RBKS: variants seen among roughly 807,000 people sequenced by gnomAD.
RBKS encodes ribokinase.
Under a neutral mutation model 33.9 loss-of-function variants are expected in RBKS, and 33 were observed. The observed-to-expected ratio is 0.97, with a 90% CI of 0.74 to 1.30. The LOEUF (loss-of-function observed/expected upper bound fraction) is 1.30, where lower values mean the gene tolerates loss of function less well. Among genes scored for constraint, RBKS ranks in the 50% most tolerant of loss-of-function variants. The probability of loss-of-function intolerance (pLI) is 0.00; values close to 1 mark genes in which losing one functional copy is unlikely to be tolerated. For missense variants in RBKS, 361 were observed against 392.6 expected (o/e 0.92, Z 0.68); for synonymous variants, 125 against 143.0 (o/e 0.87, Z 0.90).
intron 1 of RBKS, chr2:27,861,564 C>T (rs1230850552): frequency 2.1e-6 from 1 of 470,330 alleles, no homozygotes; most frequent in South Asian, 1.5e-5. Flanking sequence ...GCAAAATCAA[C>T]TTGTTGACAA....
In RBKS at chr2:27,890,158, A is replaced by G. The variant is rs138851838; in HGVS notation, c.89+99T>C. ...CTCATACCCAAAGCTAGCACTGTCT[A>G]TCCCTGGAGACCCAGCGCCCAAAAG... On this transcript the variant is annotated intron_variant, in intron 1 of 7. Transcript: ENST00000302188. The surrounding 1 kb of genome is among the most constrained non-coding windows in gnomAD (Gnocchi z 4.8). 1.7e-4 allele frequency: 183 copies of G among 1,102,422 alleles called. 2 individuals carry two copies. The East Asian group carries it at 4.5e-3, about 27-fold the overall frequency. The allele number at this position is 1,102,422 out of a possible 1,614,324, so 68.3% of individuals were successfully genotyped here.
intron 7 of RBKS, among the ~76,000 whole-genome samples, chr2:27,819,312 G>A (rs1036068815): frequency 1.3e-5 from 2 of 152,002 alleles, no homozygotes; most frequent in African/African-American, 4.8e-5. Context: ...GGGAGAGAGC[G>A]AGAGAGCTCT....
chr2:27,831,077 G>A (rs1176626659), intron 6 of RBKS, among the ~76,000 whole-genome samples: 4 of 152,138 alleles, frequency 2.6e-5, no homozygotes, highest in Non-Finnish European at 4.4e-5. Context: ...CAGCCTTTGC[G>A]TCTTCCAACT....
At chr2:27,839,438 C>T (rs895847382) in intron 5 of RBKS, among the ~76,000 whole-genome samples, 5 of 152,066 alleles carry the variant, frequency 3.3e-5, no homozygotes, top group African/African-American at 4.8e-5. Flanking sequence ...AGCTTCATGG[C>T]CTGGTGGGGA....
chr2:27,842,855 G>A (rs943508059), intron 5 of RBKS, among the ~76,000 whole-genome samples: 2 of 151,756 alleles, frequency 1.3e-5, no homozygotes, highest in Non-Finnish European at 2.9e-5. Flanking sequence ...TTTATATTGC[G>A]GGATATCGGA....
At chr2:27,825,587 T>TGAAACCA (rs1381425010) in intron 7 of RBKS, among the ~76,000 whole-genome samples, 1 of 152,186 alleles carries the variant, frequency 6.6e-6, no homozygotes, top group Non-Finnish European at 1.5e-5. Context: ...GATTTGTATC[T>TGAAACCA]GAAACCAGGG....
At position 27,824,966 on chromosome 2, in the gene RBKS, G is replaced by A. The variant is rs551508567; in HGVS notation, c.795+2601C>T. 4.6e-5 allele frequency among the ~76,000 whole-genome samples: 7 copies of A among 152,134 alleles called. No individual in the cohort carries two copies. In the East Asian group the frequency reaches 1.2e-3, roughly 25 times the overall value. On this transcript the variant is annotated intron_variant, in intron 7 of 7. Coordinates refer to ENST00000302188, the MANE Select transcript of RBKS (RefSeq NM_022128.3). ...ATCTTGGGCAACATGGCAAAACCCT[G>A]TCTCTACTAAAAATATAAAAATTAG...
chr2:27,882,690 A>G (rs897857269), intron 1 of RBKS, among the ~76,000 whole-genome samples: 3 of 152,258 alleles, frequency 2.0e-5, no homozygotes, highest in Non-Finnish European at 2.9e-5. Flanking sequence ...ATGCCCATCA[A>G]TGGTAGACTG....
At chr2:27,845,545 C>CAAA (rs1573061404) in intron 4 of RBKS, among the ~76,000 whole-genome samples, 2 of 152,040 alleles carry the variant, frequency 1.3e-5, no homozygotes, top group Admixed American at 1.3e-4. Flanking sequence ...ACAACAACAA[C>CAAA]AACAACAACA....
Position 27,858,423 on chromosome 2 carries a change from T to C in RBKS, c.222+16A>G. 3.1e-6 allele frequency: 5 copies of C among 1,600,510 alleles called. No individual in the cohort carries two copies. Among genetic ancestry groups the C allele is most frequent in the Non-Finnish European group, 4.3e-6 (5 of 1,175,788 alleles). ...TTCTTACCTCTAGAGTCCTCTCCACTATACTTTGTACTTACCTTACACACC... is the reference window on the plus strand; with the variant it reads ...TTCTTACCTCTAGAGTCCTCTCCACCATACTTTGTACTTACCTTACACACC... On this transcript the variant is annotated intron_variant, in intron 2 of 7. Transcript: ENST00000302188.
intron 7 of RBKS, chr2:27,809,879 G>A (rs1379753910): frequency 7.9e-7 from 1 of 1,259,466 alleles, no homozygotes; most frequent in Non-Finnish European, 1.0e-6. Flanking sequence ...AAAATTTTGA[G>A]TAATTAGTCA....
intron 7 of RBKS, among the ~76,000 whole-genome samples, chr2:27,821,861 G>A (rs183675669): frequency 2.6e-5 from 4 of 152,166 alleles, no homozygotes; most frequent in East Asian, 1.9e-4. Context: ...CCCAAGATTC[G>A]ACCATTTTTT....
intron 2 of RBKS, among the ~76,000 whole-genome samples, chr2:27,851,371 C>T (rs1663742246): frequency 6.6e-6 from 1 of 152,092 alleles, no homozygotes; most frequent in Non-Finnish European, 1.5e-5. Flanking sequence ...CCTAATCAAG[C>T]CCATAGTTCA....
At chr2:27,871,769 G>C (rs1364479909) in intron 1 of RBKS, among the ~76,000 whole-genome samples, 1 of 152,182 alleles carries the variant, frequency 6.6e-6, no homozygotes, top group African/African-American at 2.4e-5. Flanking sequence ...ACCAGATACA[G>C]CTTAATTGTC....
At chr2:27,828,296 CA>C (rs376004818) in intron 6 of RBKS, among the ~76,000 whole-genome samples, 29 of 141,910 alleles carry the variant, frequency 2.0e-4, no homozygotes, top group Admixed American at 2.1e-4. Flanking sequence ...AGAAGTCTAC[CA>C]AAAAAAAAAG....
chr2:27,863,963 T>C (rs766146438), intron 1 of RBKS, among the ~76,000 whole-genome samples: 6 of 152,238 alleles, frequency 3.9e-5, no homozygotes, highest in Admixed American at 6.5e-5. Flanking sequence ...ATATGTTATT[T>C]ATTTAAGGTA....
intron 7 of RBKS, among the ~76,000 whole-genome samples, chr2:27,800,412 C>T (rs1377491606): frequency 6.6e-6 from 1 of 152,186 alleles, no homozygotes; most frequent in Admixed American, 6.5e-5. Flanking sequence ...TGACCTCTGG[C>T]AAGTCACTCA....
intron 1 of RBKS, among the ~76,000 whole-genome samples, chr2:27,859,154 C>T (rs1049585213): frequency 6.6e-6 from 1 of 152,090 alleles, no homozygotes; most frequent in African/African-American, 2.4e-5. Flanking sequence ...TTAGTCCATC[C>T]TGCATACCAC....
At chr2:27,812,701 C>T (rs1678008894) in intron 7 of RBKS, among the ~76,000 whole-genome samples, 1 of 151,970 alleles carries the variant, frequency 6.6e-6, no homozygotes, top group Non-Finnish European at 1.5e-5. Flanking sequence ...ACACCAGGGC[C>T]TGTTGTGGGG....
Sources: allele counts gnomAD v4.1 joint callset (sites outside exome capture counted in the v4.1 genomes callset), GRCh38; gene constraint gnomAD v4.1.1; non-coding constraint Gnocchi (gnomAD v3.1); transcripts MANE v1.5; gene names NCBI Gene and HGNC (gene_info 2026-07-23, HGNC 2026-07-21).